SLC1A3: variants seen among roughly 807,000 people sequenced by gnomAD.
The protein encoded by SLC1A3 is excitatory amino acid transporter 1.
Under a neutral mutation model 48.1 loss-of-function variants are expected in SLC1A3, and 21 were observed. The observed-to-expected ratio is 0.44, with a 90% CI of 0.31 to 0.63. The LOEUF (loss-of-function observed/expected upper bound fraction) is 0.63, where lower values mean the gene tolerates loss of function less well. Ranked by LOEUF, SLC1A3 falls within the 20% of genes least tolerant of loss-of-function variation. The pLI, the probability that SLC1A3 is intolerant of heterozygous loss-of-function variation, is 0.08. For synonymous variants in SLC1A3, 239 were observed against 251.4 expected (o/e 0.95, Z 0.47); for missense variants, 546 against 689.0 (o/e 0.79, Z 2.32).
chr5:36,651,140 TTA>T (rs1491418651), intron 3 of SLC1A3, among the ~76,000 whole-genome samples: 46 of 52,414 alleles, frequency 8.8e-4, no homozygotes, highest in African/African-American at 3.2e-3. Flanking sequence ...TAAGTTTTTT[TTA>T]AAAAAAAAAA....
At chr5:36,637,754 CT>C (rs1740450798) in intron 3 of SLC1A3, among the ~76,000 whole-genome samples, 1 of 152,142 alleles carries the variant, frequency 6.6e-6, no homozygotes, top group Non-Finnish European at 1.5e-5. Flanking sequence ...GTGGGGAATA[CT>C]TCCGAAGTGA....
At chr5:36,624,698 C>T (rs932887902) in intron 2 of SLC1A3, among the ~76,000 whole-genome samples, 3 of 152,158 alleles carry the variant, frequency 2.0e-5, no homozygotes, top group Admixed American at 6.5e-5. Flanking sequence ...GTCCTTCTCA[C>T]GTTACTACCG....
intron 9 of SLC1A3, 141 bp from the exon 10 acceptor site, chr5:36,685,924 G>A (rs1390968737): frequency 1.4e-6 from 1 of 721,068 alleles, no homozygotes; most frequent in Non-Finnish European, 2.6e-6. Context: ...AATATTATGT[G>A]TCTATTACGT....
intron 3 of SLC1A3, among the ~76,000 whole-genome samples, chr5:36,645,488 G>A (rs1248301522): frequency 6.6e-6 from 1 of 151,858 alleles, no homozygotes; most frequent in Non-Finnish European, 1.5e-5. Flanking sequence ...ACCACGCCCA[G>A]TTAATTTTTA....
chr5:36,639,956 CTG>C (rs932020762), intron 3 of SLC1A3, among the ~76,000 whole-genome samples: 13 of 152,246 alleles, frequency 8.5e-5, no homozygotes, highest in African/African-American at 2.9e-4. Flanking sequence ...TAAAAAGACT[CTG>C]TGCACCATAA....
At chr5:36,602,143 C>T (rs1375192573), upstream of SLC1A3, among the ~76,000 whole-genome samples, 1 of 152,104 alleles carries the variant, frequency 6.6e-6, no homozygotes, top group Non-Finnish European at 1.5e-5. Flanking sequence ...GAAGAAATAA[C>T]AGATTGTAGG....
chr5:36,612,856 A>G (rs755355927), intron 2 of SLC1A3: 8 of 455,944 alleles, frequency 1.8e-5, no homozygotes, highest in African/African-American at 1.6e-4. Flanking sequence ...TCTGGGTGCT[A>G]TAACACCCAT....
intron 3 of SLC1A3, among the ~76,000 whole-genome samples, chr5:36,642,087 T>C (rs929478241): frequency 6.6e-6 from 1 of 152,242 alleles, no homozygotes; most frequent in Non-Finnish European, 1.5e-5. Context: ...ATTCAATCTA[T>C]TAACTTTAAT....
intron 3 of SLC1A3, chr5:36,629,811 C>G (rs10473034): frequency 1.9e-6 from 1 of 539,530 alleles, no homozygotes; most frequent in African/African-American, 1.9e-5. Flanking sequence ...TAAACAGCCA[C>G]GTAATCTGGT....
chr5:36,631,305 C>A (rs529762715), intron 3 of SLC1A3, among the ~76,000 whole-genome samples: 22 of 152,288 alleles, frequency 1.4e-4, no homozygotes, highest in Non-Finnish European at 1.2e-4. Context: ...AGTGTTACTT[C>A]CCCTTAGCAG....
At chr5:36,597,674 A>G (rs1027824537) in intron 1 of SLC1A3, among the ~76,000 whole-genome samples, 3 of 151,108 alleles carry the variant, frequency 2.0e-5, no homozygotes, top group African/African-American at 7.3e-5. Context: ...CTTTTTTCTG[A>G]CCTCTTGCCG....
At chr5:36,669,669 G>A (rs187696861) in intron 3 of SLC1A3, 4 of 152,164 alleles carry the variant, frequency 2.6e-5, no homozygotes, top group East Asian at 3.9e-4. Flanking sequence ...ATTCAAATAC[G>A]AATGAAATTA....
At chr5:36,632,009 G>C (rs974603906) in intron 3 of SLC1A3, among the ~76,000 whole-genome samples, 1 of 152,234 alleles carries the variant, frequency 6.6e-6, no homozygotes, top group Non-Finnish European at 1.5e-5. Flanking sequence ...GGCCACGTGG[G>C]TGATGCATGT....
chr5:36,620,635 G>A (rs1294755484), intron 2 of SLC1A3, among the ~76,000 whole-genome samples: 3 of 152,132 alleles, frequency 2.0e-5, no homozygotes, highest in African/African-American at 4.8e-5. Flanking sequence ...TTGTTCATTC[G>A]TTCAACAATA....
intron 5 of SLC1A3, among the ~76,000 whole-genome samples, chr5:36,674,342 G>A (rs1481904024): frequency 6.6e-6 from 1 of 152,088 alleles, no homozygotes; most frequent in African/African-American, 2.4e-5. Context: ...CTATTGTTAA[G>A]AAGGCTAATC....
At chr5:36,668,211 G>A (rs1490301073) in intron 3 of SLC1A3, 1 of 152,236 alleles carries the variant, frequency 6.6e-6, no homozygotes, top group Non-Finnish European at 1.5e-5. Flanking sequence ...TTAGTCTCTG[G>A]TGTAAAAAGG....
In SLC1A3 at chr5:36,658,343, T is replaced by C. The variant is rs1486353570; in HGVS notation, c.320-12686T>C. Among the ~76,000 whole-genome samples the C allele has an allele frequency of 5.3e-5, 8 of 151,926 alleles. No individual in the cohort carries two copies. The South Asian group carries it at 1.7e-3, about 32-fold the overall frequency. ...GAATAGGGTAGGCCTGCGTAGGAAA[T>C]GAAGCTGAAAAAAGAAGGTTTGGGC... On this transcript the variant is annotated intron_variant, in intron 3 of 9. Transcript: ENST00000265113.
rs532720564 is a variant in SLC1A3, at chr5:36,665,439, G to A, written c.320-5590G>A. On this transcript the variant is annotated intron_variant, in intron 3 of 9. Coordinates refer to ENST00000265113, the MANE Select transcript of SLC1A3 (RefSeq NM_004172.5). ...ATGAACAAAACTGTCCTTTATCAAG[G>A]ACCTACTTTGTACCCTGTAAATATG... is the stretch of plus-strand genomic sequence containing the variant. 1.5e-3 allele frequency among the ~76,000 whole-genome samples: 229 copies of A among 152,294 alleles called. 1 individual carries two copies. Among genetic ancestry groups the A allele is most frequent in the African/African-American group, 5.2e-3 (217 of 41,562 alleles).
chr5:36,670,427 C>G (rs904681140), intron 3 of SLC1A3, among the ~76,000 whole-genome samples: 2 of 152,052 alleles, frequency 1.3e-5, no homozygotes, highest in Non-Finnish European at 2.9e-5. Flanking sequence ...ACCTTATAAG[C>G]CAATGTCTAC....
Sources: gnomAD v4.1 joint callset for allele counts (sites outside exome capture counted in the v4.1 genomes callset) on GRCh38, gnomAD v4.1.1 for gene constraint, MANE v1.5 for transcripts, NCBI Gene and HGNC (gene_info 2026-07-23, HGNC 2026-07-21) for gene names.